MAP3K1: variants seen among roughly 807,000 people sequenced by gnomAD.
The protein encoded by MAP3K1 is mitogen-activated protein kinase kinase kinase 1, also known as MAP/ERK kinase kinase 1.
In MAP3K1, 36 loss-of-function variants were observed where a neutral mutation model predicts 144.2. That is an observed-to-expected ratio of 0.25 (90% CI 0.19 to 0.33). The LOEUF (loss-of-function observed/expected upper bound fraction) is 0.33, where lower values mean the gene tolerates loss of function less well. Ranked by LOEUF, MAP3K1 falls within the 10% of genes least tolerant of loss-of-function variation. The pLI, the probability that MAP3K1 is intolerant of heterozygous loss-of-function variation, is 1.00. For synonymous variants in MAP3K1, 718 were observed against 688.7 expected (o/e 1.04, Z -0.67); for missense variants, 1,650 against 1,881.9 (o/e 0.88, Z 2.28).
At chr5:56,839,547 G>C (rs939669898) in intron 1 of MAP3K1, among the ~76,000 whole-genome samples, 3 of 152,180 alleles carry the variant, frequency 2.0e-5, no homozygotes, top group Admixed American at 6.5e-5. Context: ...AAGTATAGCA[G>C]ATCCTTCAAT....
At chr5:56,859,243 T>A (rs2111872264) in intron 2 of MAP3K1, among the ~76,000 whole-genome samples, 1 of 152,188 alleles carries the variant, frequency 6.6e-6, no homozygotes, top group African/African-American at 2.4e-5. Context: ...GTGATCAAAC[T>A]ATTTGAAATT....
chr5:56,841,916 T>C (rs1746826980), intron 1 of MAP3K1: 1 of 152,186 alleles, frequency 6.6e-6, no homozygotes, highest in Non-Finnish European at 1.5e-5. Flanking sequence ...AGTAGTTCAG[T>C]GGTGCATGTT....
intron 19 of MAP3K1, among the ~76,000 whole-genome samples, chr5:56,891,465 A>T (rs907736126): frequency 2.6e-5 from 4 of 152,142 alleles, no homozygotes; most frequent in Non-Finnish European, 5.9e-5. Context: ...TAGATTGCAA[A>T]AATTTTCTCC....
At chr5:56,871,849 G>C in intron 6 of MAP3K1, 61 bp from the exon 7 acceptor site, 1 of 1,528,546 alleles carries the variant, frequency 6.5e-7, no homozygotes, top group Non-Finnish European at 9.0e-7. Context: ...AGTGTTTTTA[G>C]CATATCCGTT....
At chr5:56,873,893 T>C (rs1747936973) in intron 9 of MAP3K1, among the ~76,000 whole-genome samples, 1 of 152,200 alleles carries the variant, frequency 6.6e-6, no homozygotes, top group African/African-American at 2.4e-5. Context: ...CCTAGTTCAT[T>C]AATGAAATTT....
rs781300314 is a variant in MAP3K1 at position 56,865,394 on chromosome 5, C to T, written c.1090C>T (p.Arg364Trp). The T allele has an allele frequency of 1.2e-6, 2 of 1,610,580 alleles. No individual in the cohort carries two copies. The highest frequency in any genetic ancestry group is 2.2e-5 in the East Asian group (1 of 44,650). ...FCIHLLFVMLRVFQLEPSDPM... is the reference protein window; with the variant it reads ...FCIHLLFVMLWVFQLEPSDPM... ...TATTCATCTGCTATTTGTGATGCTC[C>T]GGGTGTTTCAACTAGAACCTTCAGA... The change falls in exon 5 of 20, where the codon CGG becomes TGG. Residue 364 changes from arginine to tryptophan, a missense_variant. Transcript: ENST00000399503.
At chr5:56,841,448 G>A (rs962665733) in intron 1 of MAP3K1, among the ~76,000 whole-genome samples, 1 of 152,096 alleles carries the variant, frequency 6.6e-6, no homozygotes, top group African/African-American at 2.4e-5. Context: ...GCCTGAGTTA[G>A]TACAAGGGGT....
Position 56,815,834 on chromosome 5 carries a change from C to G in MAP3K1, c.261C>G (p.Ser87=). ...PLFLAASPPA[S]STSPSPEPAD... Reference sequence around the variant, plus strand: ...TCCTTGCCGCCTCACCGCCGGCCTCCTCGACTTCCCCGTCGCCGGAGCCCG... The same window carrying G: ...TCCTTGCCGCCTCACCGCCGGCCTCGTCGACTTCCCCGTCGCCGGAGCCCG... The change falls in exon 1 of 20, where the codon TCC becomes TCG. Residue 87 remains serine (S), a synonymous_variant. Coordinates refer to ENST00000399503, the MANE Select transcript of MAP3K1 (RefSeq NM_005921.2). 7.1e-7 allele frequency: 1 copy of G among 1,410,416 alleles called. No homozygotes were observed. The highest frequency in any genetic ancestry group is 9.3e-7 in the Non-Finnish European group (1 of 1,078,058). The allele number at this position is 1,410,416 out of a possible 1,614,324, so 87.4% of individuals were successfully genotyped here. A position where few individuals can be genotyped will look rare whatever the true frequency, so the allele number is the denominator to read the frequency against.
At chr5:56,887,904 TCTG>T in intron 18 of MAP3K1, 1 of 443,074 alleles carries the variant, frequency 2.3e-6, no homozygotes, top group Non-Finnish European at 4.1e-6. Context: ...GCATTGTTCT[TCTG>T]ACTCAGCTTC....
At chr5:56,876,401 GTCTGTAGGCTTCC>G (rs1748032319) in intron 10 of MAP3K1, among the ~76,000 whole-genome samples, 1 of 152,174 alleles carries the variant, frequency 6.6e-6, no homozygotes, top group South Asian at 2.1e-4. Context: ...TTCATGAGCA[GTCTGTAGGCTTCC>G]TCCCTCAGTC....
intron 1 of MAP3K1, among the ~76,000 whole-genome samples, chr5:56,830,743 T>C: frequency 6.6e-6 from 1 of 152,218 alleles, no homozygotes; most frequent in East Asian, 1.9e-4. Context: ...CCTGTCCTTA[T>C]ACTATTGGGT....
At chr5:56,886,836 A>G (rs1219106385) in intron 17 of MAP3K1, among the ~76,000 whole-genome samples, 1 of 152,106 alleles carries the variant, frequency 6.6e-6, no homozygotes, top group Non-Finnish European at 1.5e-5. Context: ...AACTTGGCAC[A>G]CTGTAACTCA....
intron 1 of MAP3K1, among the ~76,000 whole-genome samples, chr5:56,848,045 TCTC>T (rs1346988827): frequency 1.3e-5 from 2 of 152,116 alleles, no homozygotes; most frequent in African/African-American, 4.8e-5. Flanking sequence ...TCACTTTTCT[TCTC>T]TAAAGGGAGA....
chr5:56,888,402 A>T (rs1240663572), intron 19 of MAP3K1, 45 bp downstream of exon 19: 34 of 1,602,724 alleles, frequency 2.1e-5, no homozygotes, highest in Non-Finnish European at 2.9e-5. Flanking sequence ...AAAGGAGTAC[A>T]GCAGAATTTG....
chr5:56,863,775 T>C (rs1257301055), intron 3 of MAP3K1, among the ~76,000 whole-genome samples: 1 of 152,242 alleles, frequency 6.6e-6, no homozygotes, highest in East Asian at 1.9e-4. Flanking sequence ...AATTGCTTTG[T>C]GGTCTTGCCA....
intron 17 of MAP3K1, among the ~76,000 whole-genome samples, chr5:56,886,329 G>A (rs912276605): frequency 6.6e-5 from 10 of 152,078 alleles, no homozygotes; most frequent in South Asian, 4.1e-4. Context: ...GCTTGAACCC[G>A]GAAGGCAGAG....
intron 1 of MAP3K1, among the ~76,000 whole-genome samples, chr5:56,829,310 G>A (rs1030986724): frequency 2.0e-5 from 3 of 150,508 alleles, no homozygotes; most frequent in African/African-American, 4.9e-5. Flanking sequence ...AGCCTCCTGC[G>A]TAGCTGGGAC....
At chr5:56,888,023 G>C in intron 18 of MAP3K1, 1 of 599,632 alleles carries the variant, frequency 1.7e-6, no homozygotes, top group Non-Finnish European at 2.9e-6. Context: ...CTCTGCTTCA[G>C]AATCTCACAA....
At position 56,815,995 on chromosome 5, in the gene MAP3K1, C is replaced by T; in HGVS notation, c.422C>T (p.Ala141Val). Residue 141 changes from alanine to valine, a missense_variant, in exon 1 of 20, where the codon GCC becomes GTC. By Grantham distance (64) the Ala-to-Val change is moderately conservative (BLOSUM62 0). Around this residue, in one of 6 missense-constraint regions of MAP3K1, gnomAD observed 360 missense variants for 274.7 expected, o/e 1.31. Coordinates refer to ENST00000399503, the MANE Select transcript of MAP3K1 (RefSeq NM_005921.2). ...PDSGASSPAA[A>V]EPGEKRAPAA... Reference sequence around the variant, plus strand: ...AGCGGCGCCTCGAGTCCCGCAGCGGCCGAGCCCGGGGAGAAGCGGGCGCCC... The same window carrying T: ...AGCGGCGCCTCGAGTCCCGCAGCGGTCGAGCCCGGGGAGAAGCGGGCGCCC... The T allele has an allele frequency of 2.4e-6, 3 of 1,241,234 alleles. No homozygotes were observed. Among genetic ancestry groups the T allele is most frequent in the Non-Finnish European group, 2.0e-6 (2 of 994,210 alleles). The allele number at this position is 1,241,234 out of a possible 1,614,324, so 76.9% of individuals were successfully genotyped here.
Sources: gnomAD v4.1 joint callset for allele counts (sites outside exome capture counted in the v4.1 genomes callset) on GRCh38, gnomAD v4.1.1 for gene constraint, gnomAD v4.1.1 regional missense constraint, MANE v1.5 for transcripts, NCBI Gene and HGNC (gene_info 2026-07-23, HGNC 2026-07-21) for gene names.